The following A2ML1 variants were observed in gnomAD, a reference collection of about 807,000 sequenced individuals.
A2ML1 encodes alpha-2-macroglobulin-like protein 1.
A neutral mutation model predicts 181.9 loss-of-function variants in A2ML1; 161 were observed. That is an observed-to-expected ratio of 0.89 (90% CI 0.78 to 1.01). The LOEUF (loss-of-function observed/expected upper bound fraction) is 1.01. Ranked by LOEUF, A2ML1 falls within the 50% of genes least tolerant of loss-of-function variation. A2ML1 has a pLI of 0.00. For missense variants in A2ML1, 1,670 were observed against 1,768.1 expected (o/e 0.94, Z 1.00); for synonymous variants, 663 against 666.8 (o/e 0.99, Z 0.09).
At chr12:8,822,888 A>C (rs1477830359) in intron 1 of A2ML1, among the ~76,000 whole-genome samples, 175 bp downstream of exon 1, 1 of 152,160 alleles carries the variant, frequency 6.6e-6, no homozygotes, top group Admixed American at 6.6e-5. Flanking sequence ...TGACGCATGA[A>C]GAGGAAGCTT....
At position 8,848,715 on chromosome 12, in the gene A2ML1, C is replaced by G; in HGVS notation, c.1834-5C>G. On this transcript the variant is annotated splice_region_variant and splice_polypyrimidine_tract_variant and intron_variant, in intron 15 of 35. Transcript: ENST00000299698. Reference sequence around the variant, plus strand: ...GCTTTATTTCCTCTCCCCCTCTTGTCCCAGGTCTATGGGATGTTTCCATTC... The same window carrying G: ...GCTTTATTTCCTCTCCCCCTCTTGTGCCAGGTCTATGGGATGTTTCCATTC... 1 of 1,589,550 alleles carries G rather than the reference C, an allele frequency of 6.3e-7. No individual in the cohort carries two copies. The highest frequency in any genetic ancestry group is 8.6e-7 in the Non-Finnish European group (1 of 1,167,634).
intron 7 of A2ML1, among the ~76,000 whole-genome samples, chr12:8,885,499 C>T (rs1369430872): frequency 6.6e-6 from 1 of 151,810 alleles, no homozygotes; most frequent in Non-Finnish European, 1.5e-5. Flanking sequence ...ACTCTGTCAC[C>T]CAGGTTGGAG....
chr12:8,837,368 T>C, intron 7 of A2ML1, 72 bp from the exon 8 acceptor site: 13 of 1,575,172 alleles, frequency 8.3e-6, no homozygotes, highest in Non-Finnish European at 1.1e-5. Context: ...AGGGAAGAAG[T>C]GGTGTTTGAG....
At chr12:8,868,801 CAT>C (rs754289914) in intron 32 of A2ML1, among the ~76,000 whole-genome samples, 174 bp downstream of exon 32, 8 of 150,868 alleles carry the variant, frequency 5.3e-5, no homozygotes, top group Non-Finnish European at 7.4e-5. Flanking sequence ...AAGTAGTTTT[CAT>C]ATATATATAT....
rs779993752 is a variant in A2ML1 at position 8,849,662 on chromosome 12, C to T, written c.2029-7C>T. The T allele has an allele frequency of 1.2e-6, 2 of 1,612,848 alleles. No individual in the cohort carries two copies. Among genetic ancestry groups the T allele is most frequent in the Non-Finnish European group, 1.7e-6 (2 of 1,178,860 alleles). Reference sequence around the variant, plus strand: ...ACCTTAATACTTATTTCTCTGATGCCTATCAGGACGTGGGCCTGAAAATAC... The same window carrying T: ...ACCTTAATACTTATTTCTCTGATGCTTATCAGGACGTGGGCCTGAAAATAC... On this transcript the variant is annotated splice_region_variant and splice_polypyrimidine_tract_variant and intron_variant, in intron 16 of 35. Coordinates refer to ENST00000299698, the MANE Select transcript of A2ML1 (RefSeq NM_144670.6).
intron 7 of A2ML1, among the ~76,000 whole-genome samples, chr12:8,885,567 C>T (rs956890390): frequency 6.6e-6 from 1 of 152,084 alleles, no homozygotes; most frequent in African/African-American, 2.4e-5. Context: ...AAGCAATCCT[C>T]CCACCTCAGC....
At chr12:8,853,115 C>A (rs1943947478) in intron 20 of A2ML1, among the ~76,000 whole-genome samples, 3 of 152,162 alleles carry the variant, frequency 2.0e-5, no homozygotes, top group African/African-American at 4.8e-5. Context: ...TCACCTAGGC[C>A]TCCGGAGTAG....
chr12:8,851,328 C>T (rs1187068431), intron 18 of A2ML1, among the ~76,000 whole-genome samples: 1 of 152,116 alleles, frequency 6.6e-6, no homozygotes, highest in Admixed American at 6.6e-5. Context: ...GCCTCACTCA[C>T]ACTGAGACTC....
chr12:8,837,891 G>GAAAA (rs151300022), intron 8 of A2ML1, among the ~76,000 whole-genome samples: 2 of 103,862 alleles, frequency 1.9e-5, no homozygotes, highest in Admixed American at 1.0e-4. Flanking sequence ...CTCCCCCACC[G>GAAAA]AAAAAAAAAA....
chr12:8,863,053 C>T (rs774119900), intron 28 of A2ML1, among the ~76,000 whole-genome samples: 2 of 152,008 alleles, frequency 1.3e-5, no homozygotes, highest in South Asian at 4.1e-4. Flanking sequence ...CATGGTTTCT[C>T]AGAATTCTTT....
At position 8,836,012 on chromosome 12, in the gene A2ML1, C is replaced by CA. The variant is rs753902128; in HGVS notation, c.644-221dup. Reference sequence around the variant, plus strand: ...TGGGTGACAGAGCAAGACTCCGTCTCAAAAAAAAAAAAAAAAAAAAAATCA... The same window carrying CA: ...TGGGTGACAGAGCAAGACTCCGTCTCAAAAAAAAAAAAAAAAAAAAAAATCA... On this transcript the variant is annotated intron_variant, in intron 6 of 35. Transcript: ENST00000299698. 0.14 allele frequency among the ~76,000 whole-genome samples: 7,192 copies of CA among 51,566 alleles called. 494 individuals are homozygous for CA. Among genetic ancestry groups the CA allele is most frequent in the African/African-American group, 0.21 (3,443 of 16,466 alleles). The allele number at this position is 51,566 out of a possible 152,430, so 33.8% of individuals were successfully genotyped here.
chr12:8,843,207 A>C lies in A2ML1; in HGVS notation c.1322A>C (p.His441Pro), dbSNP rs1356612341. Residue 441 changes from histidine (H) to proline (P), a missense_variant, in exon 12 of 36, where the codon CAC becomes CCC. By Grantham distance (77) the His-to-Pro change is moderately conservative. Coordinates refer to ENST00000299698, the MANE Select transcript of A2ML1 (RefSeq NM_144670.6). ...CGTTACTACCAAAATGCCTACCTGC[A>C]CCTGCGACCCTTCTACAGCACAACC... ...VPRYYQNAYLHLRPFYSTTRS... is the reference protein window; with the variant it reads ...VPRYYQNAYLPLRPFYSTTRS... 2.5e-6 allele frequency: 4 copies of C among 1,614,214 alleles called. No homozygotes were observed. The highest frequency in any genetic ancestry group is 2.2e-5 in the South Asian group (2 of 91,078).
chr12:8,846,585 C>T (rs1027770154), intron 14 of A2ML1, among the ~76,000 whole-genome samples: 4 of 152,030 alleles, frequency 2.6e-5, no homozygotes, highest in East Asian at 1.9e-4. Context: ...TTTGGGAGGC[C>T]GAGGTGGGTG....
chr12:8,837,326 T>C (rs1943315816), intron 7 of A2ML1, 114 bp from the exon 8 acceptor site: 2 of 1,435,904 alleles, frequency 1.4e-6, no homozygotes, highest in Non-Finnish European at 1.9e-6. Context: ...GCCCAGATTG[T>C]CAGAGCTTTC....
chr12:8,884,241 G>GTTTTTTTTT (rs1289302391), intron 7 of A2ML1, among the ~76,000 whole-genome samples: 2 of 108,962 alleles, frequency 1.8e-5, no homozygotes, highest in Non-Finnish European at 2.1e-5. Context: ...GTTTTTTTTT[G>GTTTTTTTTT]TTTTGTTTTT....
intron 27 of A2ML1, 66 bp from the exon 28 acceptor site, chr12:8,861,069 T>G: frequency 6.2e-7 from 1 of 1,607,324 alleles, no homozygotes; most frequent in Non-Finnish European, 8.5e-7. Flanking sequence ...ATAAGATGAT[T>G]TCCTGATTAC....
chr12:8,834,578 T>C, intron 4 of A2ML1, 84 bp from the exon 5 acceptor site: 1 of 1,520,378 alleles, frequency 6.6e-7, no homozygotes, highest in Non-Finnish European at 9.1e-7. Context: ...AAGGAAGAAT[T>C]CTTTGTGAAC....
chr12:8,825,354 A>C (rs1942896534), intron 3 of A2ML1, among the ~76,000 whole-genome samples: 1 of 152,100 alleles, frequency 6.6e-6, no homozygotes, highest in African/African-American at 2.4e-5. Flanking sequence ...CAATGATTTG[A>C]GCACCTTTTT....
chr12:8,886,004 A>G (rs1402858236), intron 7 of A2ML1, among the ~76,000 whole-genome samples: 6 of 108,754 alleles, frequency 5.5e-5, no homozygotes, highest in Non-Finnish European at 7.3e-5. Flanking sequence ...ATCCTTCAAC[A>G]ATATCTCACA....
Sources: allele counts gnomAD v4.1 joint callset (sites outside exome capture counted in the v4.1 genomes callset), GRCh38; gene constraint gnomAD v4.1.1; transcripts MANE v1.5; gene names NCBI Gene and HGNC (gene_info 2026-07-23, HGNC 2026-07-21).